Variants in NDUFAF2 observed in about 807,000 individuals in gnomAD.
The protein encoded by NDUFAF2 is NADH dehydrogenase [ubiquinone] 1 alpha subcomplex assembly factor 2.
A neutral mutation model predicts 22.8 loss-of-function variants in NDUFAF2; 13 were observed. That is an observed-to-expected ratio of 0.57 (90% CI 0.37 to 0.91). NDUFAF2 has a LOEUF of 0.91. Among genes scored for constraint, NDUFAF2 ranks in the 40% least tolerant of loss-of-function variants. NDUFAF2 has a pLI of 0.01. For missense variants in NDUFAF2, 162 were observed against 195.2 expected (o/e 0.83, Z 1.01); for synonymous variants, 53 against 64.2 (o/e 0.83, Z 0.84).
At chr5:60,946,724 G>A (rs188647569) in intron 1 of NDUFAF2, among the ~76,000 whole-genome samples, 1 of 152,274 alleles carries the variant, frequency 6.6e-6, no homozygotes, top group East Asian at 1.9e-4. Flanking sequence ...TTTGACAAAT[G>A]AGTAGAGTAA....
chr5:60,971,432 A>T (rs973089625), intron 1 of NDUFAF2, among the ~76,000 whole-genome samples: 4 of 151,548 alleles, frequency 2.6e-5, no homozygotes, highest in Non-Finnish European at 5.9e-5. Context: ...GACTGCAGGC[A>T]CCCGCCACCG....
intron 1 of NDUFAF2, among the ~76,000 whole-genome samples, chr5:60,978,258 A>C (rs968422207): frequency 3.9e-5 from 6 of 152,120 alleles, no homozygotes; most frequent in African/African-American, 1.4e-4. Context: ...GCAAGCCTTG[A>C]TACTGCGGGT....
intron 1 of NDUFAF2, among the ~76,000 whole-genome samples, chr5:61,045,961 T>A (rs1214651832): frequency 6.6e-6 from 1 of 152,206 alleles, no homozygotes; most frequent in African/African-American, 2.4e-5. Context: ...TTGTCATATA[T>A]GGCCTTATTG....
chr5:61,040,665 G>A (rs1046922754), intron 1 of NDUFAF2, among the ~76,000 whole-genome samples: 3 of 151,934 alleles, frequency 2.0e-5, no homozygotes. Context: ...AACCCCACAA[G>A]TATTTATTAG....
intron 2 of NDUFAF2, among the ~76,000 whole-genome samples, chr5:61,097,215 G>C (rs992629120): frequency 6.7e-6 from 1 of 149,416 alleles, no homozygotes; most frequent in Admixed American, 6.7e-5. Flanking sequence ...ATGATCCTTG[G>C]TTTGCAGTGA....
intron 2 of NDUFAF2, among the ~76,000 whole-genome samples, chr5:61,073,903 G>T (rs924297785): frequency 1.3e-5 from 2 of 152,130 alleles, no homozygotes; most frequent in Non-Finnish European, 2.9e-5. Context: ...AGCTAATATT[G>T]CAGAAAAAGC....
Position 61,099,018 on chromosome 5 carries a change from C to T in NDUFAF2, c.244C>T (p.Pro82Ser). 2 of 1,598,720 alleles carry T rather than the reference C, an allele frequency of 1.3e-6. No homozygotes were observed. The highest frequency in any genetic ancestry group is 1.7e-6 in the Non-Finnish European group (2 of 1,168,434). The change falls in exon 3 of 4, where the codon CCA (proline) becomes TCA (serine). Residue 82 changes from proline to serine, a missense_variant. This residue lies in a region of NDUFAF2 where 68 missense variants were observed against 110.0 expected (regional missense o/e 0.62). Coordinates refer to ENST00000296597, the MANE Select transcript of NDUFAF2 (RefSeq NM_174889.5). ...EAWIRRTRKT[P>S]PTMEEILKNE... ...TTGGATTAGAAGAACAAGAAAGACT[C>T]CACCTACTATGGAGGTAAGACTACA...
rs559812219 is a variant in NDUFAF2 at position 60,998,448 on chromosome 5, A to T, written c.127+53066A>T. 1.6e-3 allele frequency among the ~76,000 whole-genome samples: 242 copies of T among 152,208 alleles called. 1 individual carries two copies. The highest frequency in any genetic ancestry group is 5.6e-3 in the African/African-American group (232 of 41,546). On this transcript the variant is annotated intron_variant, in intron 1 of 3. Coordinates refer to ENST00000296597, the MANE Select transcript of NDUFAF2 (RefSeq NM_174889.5). The stretch of plus-strand genomic sequence containing the variant: ...TTGATAACCTTTTATAATGTATTTT[A>T]AAAAAATTAATATGTGGAGTAGGCT...
chr5:61,075,824 A>G (rs781772407), intron 2 of NDUFAF2, among the ~76,000 whole-genome samples: 39 of 152,310 alleles, frequency 2.6e-4, no homozygotes, highest in Middle Eastern at 3.4e-3. Context: ...TCAGATGAAT[A>G]TTGTATTTGT....
intron 3 of NDUFAF2, among the ~76,000 whole-genome samples, chr5:61,121,338 G>A (rs1752973769): frequency 6.6e-6 from 1 of 152,096 alleles, no homozygotes; most frequent in Non-Finnish European, 1.5e-5. Context: ...GTAAATAGAT[G>A]TATCTAGAGC....
intron 1 of NDUFAF2, among the ~76,000 whole-genome samples, chr5:60,955,146 G>A (rs1170201215): frequency 6.6e-6 from 1 of 152,162 alleles, no homozygotes; most frequent in African/African-American, 2.4e-5. Flanking sequence ...CATTGCCAAA[G>A]CCAATGTCAA....
intron 1 of NDUFAF2, among the ~76,000 whole-genome samples, chr5:60,985,588 T>G (rs761451323): frequency 6.6e-6 from 1 of 152,232 alleles, no homozygotes; most frequent in African/African-American, 2.4e-5. Context: ...GATTCTGGTA[T>G]GTTGTGTCTT....
chr5:61,067,394 G>A (rs1752244229), intron 1 of NDUFAF2, among the ~76,000 whole-genome samples: 2 of 148,248 alleles, frequency 1.3e-5, no homozygotes, highest in Admixed American at 1.4e-4. Flanking sequence ...CCACCTATGA[G>A]TGAGAACATG....
intron 1 of NDUFAF2, among the ~76,000 whole-genome samples, chr5:61,004,564 A>C (rs1323763113): frequency 6.6e-6 from 1 of 152,164 alleles, no homozygotes; most frequent in African/African-American, 2.4e-5. Context: ...CTGGAATAAC[A>C]TGAAAATATG....
At chr5:60,948,522 T>A (rs1750496000) in intron 1 of NDUFAF2, among the ~76,000 whole-genome samples, 1 of 151,862 alleles carries the variant, frequency 6.6e-6, no homozygotes, top group Non-Finnish European at 1.5e-5. Flanking sequence ...AGAATTTTAT[T>A]TAAGTGGAAG....
In NDUFAF2 at chr5:61,094,965, A is replaced by G. The variant is rs1299029019; in HGVS notation, c.218-4027A>G. ...AACAGGATCAGAGACCTGCTTAAAG[A>G]AGCAGTCTAGCTATGCTTTCATAGA... On this transcript the variant is annotated intron_variant, in intron 2 of 3. Coordinates refer to ENST00000296597, the MANE Select transcript of NDUFAF2 (RefSeq NM_174889.5). Among the ~76,000 whole-genome samples, 3 of 152,194 alleles carry G rather than the reference A, an allele frequency of 2.0e-5. No homozygotes were observed. The East Asian group carries it at 5.8e-4, about 29-fold the overall frequency.
chr5:61,056,874 A>G (rs1752098340), intron 1 of NDUFAF2, among the ~76,000 whole-genome samples: 1 of 126,728 alleles, frequency 7.9e-6, no homozygotes, highest in South Asian at 2.8e-4. Flanking sequence ...GGGCAACAGA[A>G]CGACACTCTG....
chr5:61,080,132 T>C (rs1317170452), intron 2 of NDUFAF2, among the ~76,000 whole-genome samples: 1 of 152,198 alleles, frequency 6.6e-6, no homozygotes, highest in Non-Finnish European at 1.5e-5. Context: ...TTTATTCCTT[T>C]TTATTGCTGA....
At chr5:61,147,579 C>T (rs1486302312) in intron 3 of NDUFAF2, among the ~76,000 whole-genome samples, 1 of 151,428 alleles carries the variant, frequency 6.6e-6, no homozygotes, top group African/African-American at 2.4e-5. Context: ...CGGCTAGAAT[C>T]TTACTTTTAA....
Sources: allele counts gnomAD v4.1 joint callset (sites outside exome capture counted in the v4.1 genomes callset), GRCh38; gene constraint gnomAD v4.1.1; regional missense constraint gnomAD v4.1.1; transcripts MANE v1.5; gene names NCBI Gene and HGNC (gene_info 2026-07-23, HGNC 2026-07-21).